Variants in RIPOR1 observed in about 807,000 individuals in gnomAD.
RIPOR1 encodes the protein rho family-interacting cell polarization regulator 1.
A neutral mutation model predicts 116.5 loss-of-function variants in RIPOR1; 58 were observed. That is an observed-to-expected ratio of 0.50 (90% confidence interval 0.40 to 0.62). The LOEUF is 0.62. Among genes scored for constraint, RIPOR1 ranks in the 20% least tolerant of loss-of-function variants. The probability of loss-of-function intolerance (pLI) is 0.00; values close to 1 mark genes in which losing one functional copy is unlikely to be tolerated. For missense variants in RIPOR1, 1,372 were observed against 1,586.2 expected (o/e 0.86, Z 2.29); for synonymous variants, 605 against 650.0 (o/e 0.93, Z 1.05).
chr16:67,540,159 G>T lies in RIPOR1; in HGVS notation c.521G>T (p.Arg174Leu), dbSNP rs564519127. 6.2e-7 allele frequency: 1 copy of T among 1,614,178 alleles called. No homozygotes were observed. Among genetic ancestry groups the T allele is most frequent in the African/African-American group, 1.3e-5 (1 of 75,054 alleles). ...GGGTCCCCGGGAAGCCGAGAGGCCC[G>T]GGACAGCCTGGCAGAGGCCACTCGG... Reference protein sequence around the residue: ...TTGSPGSREARDSLAEATRGH... With the variant: ...TTGSPGSREALDSLAEATRGH... The change falls in exon 7 of 22, where the codon CGG becomes CTG. Residue 174 changes from arginine (R) to leucine (L), a missense_variant. Around this residue, in one of 3 missense-constraint regions of RIPOR1, gnomAD observed 202 missense variants for 295.9 expected, o/e 0.68. Coordinates refer to ENST00000042381, the MANE Select transcript of RIPOR1 (RefSeq NM_024519.4). This position sits in a 1 kb window ranked among gnomAD's most constrained non-coding sequence, Gnocchi z 4.7.
chr16:67,540,705 G>A lies in RIPOR1; in HGVS notation c.801+1G>A. On this transcript the variant is annotated splice_donor_variant, in intron 10 of 21. Transcript: ENST00000042381. LOFTEE classifies it high-confidence loss of function. This position sits in a 1 kb window ranked among gnomAD's most constrained non-coding sequence, Gnocchi z 4.7. ...ACTCACGGAATTTCTGTCTATTAAG[G>A]TGATGTCTCTGCCCAGGACGGCAGG... The A allele has an allele frequency of 6.3e-7, 1 of 1,589,614 alleles. No individual in the cohort carries two copies. The highest frequency in any genetic ancestry group is 1.2e-5 in the South Asian group (1 of 86,620).
In RIPOR1 at chr16:67,545,760, G is replaced by C. The variant is rs532342863; in HGVS notation, c.3287G>C (p.Arg1096Pro). 5 of 1,612,292 alleles carry C rather than the reference G, an allele frequency of 3.1e-6. No homozygotes were observed. The highest frequency in any genetic ancestry group is 4.2e-6 in the Non-Finnish European group (5 of 1,179,252). Residue 1096 changes from arginine (R) to proline (P), a missense_variant, in exon 19 of 22, where the codon CGG (arginine) becomes CCG (proline). By Grantham distance (103) the Arg-to-Pro change is moderately radical. Around this residue, in one of 3 missense-constraint regions of RIPOR1, gnomAD observed 1,005 missense variants for 1,144.7 expected, o/e 0.88. Transcript: ENST00000042381. This position sits in a 1 kb window ranked among gnomAD's most constrained non-coding sequence, Gnocchi z 4.8. ...PEGRLRRDGL[R>P]ALSSLLVHGN... ...GGGCGTCTGCGAAGGGACGGGCTGCGGGCCCTCAGCTCCCTGCTCGTCCAT... is the reference window on the plus strand; with the variant it reads ...GGGCGTCTGCGAAGGGACGGGCTGCCGGCCCTCAGCTCCCTGCTCGTCCAT...
In RIPOR1 at chr16:67,543,231, G is replaced by A. The variant is rs1340230441; in HGVS notation, c.2445G>A (p.Glu815=). The part of the protein sequence containing the change: ...RGQFPELQGL[E]QEVTRLESLL... Reference sequence around the variant, plus strand: ...AGTTTCCTGAGCTGCAGGGCCTGGAGCAGGAGGTGACCCGCCTAGAAAGTC... The same window carrying A: ...AGTTTCCTGAGCTGCAGGGCCTGGAACAGGAGGTGACCCGCCTAGAAAGTC... Residue 815 remains glutamate, a synonymous_variant, in exon 13 of 22, where the codon GAG becomes GAA. Transcript: ENST00000042381. This position sits in a 1 kb window ranked among gnomAD's most constrained non-coding sequence, Gnocchi z 4.7. 1.3e-6 allele frequency: 2 copies of A among 1,583,808 alleles called. No individual in the cohort carries two copies. The highest frequency in any genetic ancestry group is 1.2e-5 in the South Asian group (1 of 86,292).
rs2050659856 is a variant in RIPOR1 at position 67,531,530 on chromosome 16, A to G, written c.-24+2616A>G. On this transcript the variant is annotated intron_variant, in intron 1 of 21. Coordinates refer to ENST00000042381, the MANE Select transcript of RIPOR1 (RefSeq NM_024519.4). This position sits in a 1 kb window ranked among gnomAD's most constrained non-coding sequence, Gnocchi z 4.2. Reference sequence around the variant, plus strand: ...GGCCTGCTTCCTGGAGGAAGAAGTCATAGGGTAGACTTGAGGAAGGAGAGG... The same window carrying G: ...GGCCTGCTTCCTGGAGGAAGAAGTCGTAGGGTAGACTTGAGGAAGGAGAGG... 2.3e-6 allele frequency: 1 copy of G among 427,924 alleles called. No individual in the cohort carries two copies. Among genetic ancestry groups the G allele is most frequent in the South Asian group, 1.6e-5 (1 of 61,200 alleles). The allele number at this position is 427,924 out of a possible 1,614,324, so 26.5% of individuals were successfully genotyped here.
rs931588752 is a variant in RIPOR1, at chr16:67,537,939, G to A, written c.-23-485G>A. ...AACCCGCACCGGCTGGGCCTGTCGG[G>A]CAGCTCCGCAGGGCTCCGAGCGTGG... is the stretch of plus-strand genomic sequence containing the variant. On this transcript the variant is annotated intron_variant, in intron 1 of 21. Transcript: ENST00000042381. The surrounding 1 kb of genome is among the most constrained non-coding windows in gnomAD (Gnocchi z 4.6). 173 of 257,328 alleles carry A rather than the reference G, an allele frequency of 6.7e-4. No homozygotes were observed. Among genetic ancestry groups the A allele is most frequent in the Non-Finnish European group, 1.1e-3 (155 of 136,338 alleles). The allele number at this position is 257,328 out of a possible 1,614,324, so 15.9% of individuals were successfully genotyped here.
At position 67,529,628 on chromosome 16, in the gene RIPOR1, C is replaced by T; in HGVS notation, c.-24+714C>T. The T allele has an allele frequency of 1.3e-6, 1 of 769,434 alleles. No individual in the cohort carries two copies. The highest frequency in any genetic ancestry group is 2.1e-6 in the Non-Finnish European group (1 of 485,806). 47.7% of individuals were successfully genotyped at this position (769,434 alleles called of 1,614,324 possible). ...GTCCAGATTCAGCACCCTTTGTCCT[C>T]CTCTCCAGGGTGAGCCCTGAGTCCG... On this transcript the variant is annotated intron_variant, in intron 1 of 21. Coordinates refer to ENST00000042381, the MANE Select transcript of RIPOR1 (RefSeq NM_024519.4). This position sits in a 1 kb window ranked among gnomAD's most constrained non-coding sequence, Gnocchi z 4.1.
intron 1 of RIPOR1, among the ~76,000 whole-genome samples, chr16:67,519,420 G>A (rs930947830): frequency 2.0e-5 from 3 of 152,138 alleles, no homozygotes; most frequent in Non-Finnish European, 4.4e-5. Flanking sequence ...AGGGGTGAGG[G>A]GCCAGTGGGG....
Position 67,528,830 on chromosome 16 carries a change from G to A in RIPOR1, c.-108G>A. On this transcript the variant is annotated 5_prime_UTR_variant, in exon 1 of 22. Transcript: ENST00000042381. Reference sequence around the variant, plus strand: ...GAGGGAGGGGCCGGCGCCTGCGGCGGCGACAGCGGCAGCTGCGGCGCGACC... The same window carrying A: ...GAGGGAGGGGCCGGCGCCTGCGGCGACGACAGCGGCAGCTGCGGCGCGACC... The A allele has an allele frequency of 6.4e-6, 1 of 156,962 alleles. No individual in the cohort carries two copies. The highest frequency in any genetic ancestry group is 1.4e-5 in the Non-Finnish European group (1 of 71,858). The allele number at this position is 156,962 out of a possible 1,614,324, so 9.7% of individuals were successfully genotyped here. A position where few individuals can be genotyped will look rare whatever the true frequency, so the allele number is the denominator to read the frequency against.
rs2050892939 is a variant in RIPOR1 at position 67,539,029 on chromosome 16, C to T, written c.297C>T (p.Leu99=). Residue 99 remains leucine (L), a synonymous_variant, in exon 4 of 22, where the codon CTC becomes CTT. Coordinates refer to ENST00000042381, the MANE Select transcript of RIPOR1 (RefSeq NM_024519.4). ...LEVHQQEQEK[L]QGQIRESKRN... ...TGCACCAGCAGGAGCAAGAGAAACT[C>T]CAGGGGCAGATAAGGGAGTCCAAGA... is the stretch of plus-strand genomic sequence containing the variant. 6.2e-7 allele frequency: 1 copy of T among 1,613,466 alleles called. No homozygotes were observed. The highest frequency in any genetic ancestry group is 1.3e-5 in the African/African-American group (1 of 74,888).
intron 1 of RIPOR1, among the ~76,000 whole-genome samples, chr16:67,533,964 C>T (rs183093190): frequency 4.2e-4 from 63 of 149,842 alleles, no homozygotes; most frequent in South Asian, 2.1e-4. Flanking sequence ...TGCGCCACCA[C>T]GCCCGGCTAA....
chr16:67,546,057 CCT>C (rs754092556), intron 20 of RIPOR1, 25 bp downstream of exon 20: 4 of 1,610,890 alleles, frequency 2.5e-6, no homozygotes, highest in Non-Finnish European at 3.4e-6. Context: ...CCCTCCCACC[CCT>C]CTGTCCGCTT....
intron 1 of RIPOR1, among the ~76,000 whole-genome samples, chr16:67,535,863 G>T (rs1331538369): frequency 1.3e-5 from 2 of 152,138 alleles, no homozygotes; most frequent in East Asian, 3.9e-4. Context: ...CCAGTGTAGG[G>T]TGCAGGGTAC....
upstream of RIPOR1, among the ~76,000 whole-genome samples, chr16:67,527,526 G>A (rs1274689553): frequency 6.6e-6 from 1 of 151,964 alleles, no homozygotes; most frequent in South Asian, 2.1e-4. Context: ...TGGGAGGATC[G>A]CTTGAGCCCA....
rs1345215724 is a variant in RIPOR1, at chr16:67,544,787, G to T, written c.2826G>T (p.Glu942Asp). Residue 942 changes from glutamate (E) to aspartate (D), a missense_variant, in exon 16 of 22, where the codon GAG (glutamate) becomes GAT (aspartate). Coordinates refer to ENST00000042381, the MANE Select transcript of RIPOR1 (RefSeq NM_024519.4). The surrounding 1 kb of genome is among the most constrained non-coding windows in gnomAD (Gnocchi z 5.1). ...REARVLEAVC[E>D]FSRRWEIPAS... is the part of the protein sequence containing the mutation. ...CCCGAGTACTGGAGGCAGTATGCGA[G>T]TTCAGCAGGCGGTGGGAGATCCCGG... 1 of 1,602,564 alleles carries T rather than the reference G, an allele frequency of 6.2e-7. No homozygotes were observed. Among genetic ancestry groups the T allele is most frequent in the South Asian group, 1.1e-5 (1 of 90,754 alleles).
chr16:67,543,313 G>A lies in RIPOR1; in HGVS notation c.2479-35G>A, dbSNP rs749130888. On this transcript the variant is annotated intron_variant, in intron 13 of 21. Transcript: ENST00000042381. The surrounding 1 kb of genome is among the most constrained non-coding windows in gnomAD (Gnocchi z 4.7). ...GGGCAACCAGGGAGGGCAGCCAGGGGGCGGCAGCCGCTCTGATGCCCTTCA... is the reference window on the plus strand; with the variant it reads ...GGGCAACCAGGGAGGGCAGCCAGGGAGCGGCAGCCGCTCTGATGCCCTTCA... 3.7e-6 allele frequency: 6 copies of A among 1,607,034 alleles called. No individual in the cohort carries two copies. Among genetic ancestry groups the A allele is most frequent in the African/African-American group, 2.7e-5 (2 of 74,894 alleles).
Position 67,542,377 on chromosome 16 carries a change from C to T in RIPOR1, c.1591C>T (p.His531Tyr). The T allele has an allele frequency of 6.2e-7, 1 of 1,613,946 alleles. No homozygotes were observed. The highest frequency in any genetic ancestry group is 8.5e-7 in the Non-Finnish European group (1 of 1,179,954). Reference sequence around the variant, plus strand: ...CCCATCTGCACACCTAGACTCAGTTCATAAGTCCACAGACTCTGGCCCTTC... The same window carrying T: ...CCCATCTGCACACCTAGACTCAGTTTATAAGTCCACAGACTCTGGCCCTTC... ...PAPSAHLDSV[H>Y]KSTDSGPSEL... The change falls in exon 13 of 22, where the codon CAT (histidine) becomes TAT (tyrosine). Residue 531 changes from histidine (H) to tyrosine (Y), a missense_variant. Coordinates refer to ENST00000042381, the MANE Select transcript of RIPOR1 (RefSeq NM_024519.4). This position sits in a 1 kb window ranked among gnomAD's most constrained non-coding sequence, Gnocchi z 4.6.
rs2051088838 is a variant in RIPOR1 at position 67,544,186 on chromosome 16, G to C, written c.2601-113G>C. ...CCATGAACTTACCCCACTGTCTGCTGTCGGTGCATCATCTTCTTCCTTTCT... is the reference window on the plus strand; with the variant it reads ...CCATGAACTTACCCCACTGTCTGCTCTCGGTGCATCATCTTCTTCCTTTCT... On this transcript the variant is annotated intron_variant, in intron 14 of 21. Coordinates refer to ENST00000042381, the MANE Select transcript of RIPOR1 (RefSeq NM_024519.4). The surrounding 1 kb of genome is among the most constrained non-coding windows in gnomAD (Gnocchi z 5.1). The C allele has an allele frequency of 1.5e-6, 2 of 1,375,888 alleles. No homozygotes were observed. The highest frequency in any genetic ancestry group is 4.4e-5 in the Admixed American group (2 of 45,692). 85.2% of individuals were successfully genotyped at this position (1,375,888 alleles called of 1,614,324 possible). A position where few individuals can be genotyped will look rare whatever the true frequency, so the allele number is the denominator to read the frequency against.
intron 1 of RIPOR1, among the ~76,000 whole-genome samples, chr16:67,520,437 T>TAA (rs1367830568): frequency 1.4e-5 from 2 of 145,468 alleles, no homozygotes; most frequent in East Asian, 4.0e-4. Flanking sequence ...GAAGAGAAGA[T>TAA]AAGAGAAGAG....
Position 67,529,805 on chromosome 16 carries a change from C to G in RIPOR1, c.-24+891C>G. 6.5e-7 allele frequency: 1 copy of G among 1,535,972 alleles called. No homozygotes were observed. The highest frequency in any genetic ancestry group is 1.4e-5 in the African/African-American group (1 of 73,190). ...GGGCCTGCCGCATTCGGCCAACGCA[C>G]AGCATCTGAGGAGGGTTATGACCAT... On this transcript the variant is annotated intron_variant, in intron 1 of 21. Transcript: ENST00000042381. The surrounding 1 kb of genome is among the most constrained non-coding windows in gnomAD (Gnocchi z 4.1).
Sources: gnomAD v4.1 joint callset for allele counts (sites outside exome capture counted in the v4.1 genomes callset) on GRCh38, gnomAD v4.1.1 for gene constraint, gnomAD v4.1.1 regional missense constraint, Gnocchi (gnomAD v3.1) non-coding constraint, MANE v1.5 for transcripts, NCBI Gene and HGNC (gene_info 2026-07-23, HGNC 2026-07-21) for gene names.